Variants in LRRTM4 observed in about 807,000 individuals in gnomAD.
The protein encoded by LRRTM4 is leucine-rich repeat transmembrane neuronal protein 4.
LRRTM4 carries 25 observed loss-of-function variants against 47.6 expected under a neutral mutation model. The observed-to-expected ratio is 0.53, with a 90% CI of 0.38 to 0.73. LRRTM4 has a LOEUF of 0.73. Among genes scored for constraint, LRRTM4 ranks in the 30% least tolerant of loss-of-function variants. LRRTM4 has a pLI of 0.00. For missense variants in LRRTM4, 638 were observed against 713.4 expected (o/e 0.89, Z 1.20); for synonymous variants, 311 against 269.5 (o/e 1.15, Z -1.51).
At chr2:76,754,936 C>T (rs972772258) in intron 3 of LRRTM4, among the ~76,000 whole-genome samples, 12 of 152,226 alleles carry the variant, frequency 7.9e-5, no homozygotes, top group African/African-American at 1.4e-4. Context: ...CAGCAAAGTC[C>T]GCAAAAGACC....
At chr2:77,094,080 C>T (rs1482073153) in intron 3 of LRRTM4, among the ~76,000 whole-genome samples, 3 of 152,038 alleles carry the variant, frequency 2.0e-5, no homozygotes, top group Non-Finnish European at 4.4e-5. Flanking sequence ...CTAACAACTT[C>T]ACAGAAAACT....
chr2:77,107,785 T>A (rs557963837), intron 3 of LRRTM4, among the ~76,000 whole-genome samples: 1 of 125,614 alleles, frequency 8.0e-6, no homozygotes, highest in South Asian at 2.5e-4. Context: ...ACAGTTGCAC[T>A]CCAGTCTGGG....
chr2:77,292,989 TA>T (rs1272690297), intron 3 of LRRTM4, among the ~76,000 whole-genome samples: 6 of 151,676 alleles, frequency 4.0e-5, no homozygotes, highest in African/African-American at 1.5e-4. Flanking sequence ...AGTATAATAA[TA>T]AAAAAATATA....
intron 3 of LRRTM4, among the ~76,000 whole-genome samples, chr2:77,168,046 A>G (rs572140157): frequency 1.4e-4 from 22 of 152,096 alleles, no homozygotes; most frequent in Non-Finnish European, 3.1e-4. Flanking sequence ...AGATAAATTT[A>G]TATTTATTAG....
chr2:77,177,559 C>T (rs2103848857), intron 3 of LRRTM4, among the ~76,000 whole-genome samples: 1 of 152,288 alleles, frequency 6.6e-6, no homozygotes, highest in East Asian at 1.9e-4. Flanking sequence ...CCTATGTCTT[C>T]TACAAAAGCA....
chr2:77,477,514 T>C (rs997094494), intron 3 of LRRTM4, among the ~76,000 whole-genome samples: 1 of 152,100 alleles, frequency 6.6e-6, no homozygotes, highest in Non-Finnish European at 1.5e-5. Context: ...CATTGCTATA[T>C]ACTATTTGAA....
intron 3 of LRRTM4, among the ~76,000 whole-genome samples, chr2:77,332,453 T>C (rs1490941238): frequency 4.6e-5 from 7 of 152,152 alleles, no homozygotes; most frequent in Non-Finnish European, 2.9e-5. Context: ...GAAAAAGTAG[T>C]GCTCTAGAAA....
chr2:76,749,771 T>C (rs1181139733), intron 3 of LRRTM4, among the ~76,000 whole-genome samples: 1 of 152,200 alleles, frequency 6.6e-6, no homozygotes, highest in Non-Finnish European at 1.5e-5. Flanking sequence ...TAAAGATAAA[T>C]ATATTCCAAA....
chr2:77,024,400 C>T (rs937226514), intron 3 of LRRTM4, among the ~76,000 whole-genome samples: 15 of 151,480 alleles, frequency 9.9e-5, no homozygotes, highest in Non-Finnish European at 1.6e-4. Flanking sequence ...TCAATGTTGT[C>T]ACAATTGGCA....
intron 3 of LRRTM4, among the ~76,000 whole-genome samples, chr2:77,482,630 T>C (rs964657752): frequency 3.3e-5 from 5 of 152,192 alleles, no homozygotes; most frequent in African/African-American, 1.2e-4. Context: ...AGATATTAGT[T>C]GACATGAAAA....
In LRRTM4 at chr2:77,260,475, T is replaced by A. The variant is rs567762661; in HGVS notation, c.1551+257843A>T. On this transcript the variant is annotated intron_variant, in intron 3 of 3. Coordinates refer to ENST00000409884, the MANE Select transcript of LRRTM4 (RefSeq NM_001134745.3). Reference sequence around the variant, plus strand: ...GATTTATAATACAGTACTATACAAGTGGATAACAATATTTAGATACCAAAC... The same window carrying A: ...GATTTATAATACAGTACTATACAAGAGGATAACAATATTTAGATACCAAAC... Among the ~76,000 whole-genome samples the A allele has an allele frequency of 2.6e-5, 4 of 151,676 alleles. No homozygotes were observed. In the South Asian group the frequency reaches 8.3e-4, roughly 32 times the overall value.
intron 3 of LRRTM4, among the ~76,000 whole-genome samples, chr2:76,876,129 C>T (rs77682096): frequency 0.053 from 8,126 of 152,040 alleles, 512 homozygotes; most frequent in African/African-American, 0.15. Flanking sequence ...CAGTAAAGAA[C>T]ATAGTATGCC....
At chr2:77,168,150 C>G (rs974095203) in intron 3 of LRRTM4, among the ~76,000 whole-genome samples, 31 of 152,186 alleles carry the variant, frequency 2.0e-4, no homozygotes, top group Admixed American at 9.2e-4. Context: ...TGATCTCTCT[C>G]AACTTGAGCA....
intron 3 of LRRTM4, among the ~76,000 whole-genome samples, chr2:77,474,273 AAAAC>A (rs1677296555): frequency 6.6e-6 from 1 of 152,142 alleles, no homozygotes; most frequent in African/African-American, 2.4e-5. Context: ...CTGATAGAAA[AAAAC>A]AAAAGACATT....
At chr2:77,078,124 G>A (rs1052757208) in intron 3 of LRRTM4, among the ~76,000 whole-genome samples, 6 of 151,982 alleles carry the variant, frequency 3.9e-5, no homozygotes, top group Non-Finnish European at 8.8e-5. Flanking sequence ...TTTACCTTTT[G>A]CTTTAAAGCA....
At chr2:76,976,960 T>C (rs73940220) in intron 3 of LRRTM4, among the ~76,000 whole-genome samples, 1 of 151,708 alleles carries the variant, frequency 6.6e-6, no homozygotes, top group East Asian at 1.9e-4. Flanking sequence ...CCCATAGATA[T>C]GTACATTATG....
intron 3 of LRRTM4, among the ~76,000 whole-genome samples, chr2:77,425,375 A>G (rs990235970): frequency 2.6e-5 from 4 of 152,192 alleles, no homozygotes; most frequent in African/African-American, 9.7e-5. Context: ...TCCACTGGAT[A>G]TTCTCCAACC....
At chr2:77,303,864 A>C (rs78358054) in intron 3 of LRRTM4, among the ~76,000 whole-genome samples, 1,591 of 152,234 alleles carry the variant, frequency 0.01, 27 homozygotes, top group African/African-American at 0.036. Context: ...CTGTTGACAG[A>C]CACTTAGATT....
At chr2:76,866,495 T>G (rs2104030222) in intron 3 of LRRTM4, among the ~76,000 whole-genome samples, 1 of 152,180 alleles carries the variant, frequency 6.6e-6, no homozygotes, top group South Asian at 2.1e-4. Context: ...GATTGGCTCT[T>G]CATTTTTTTT....
Sources: allele counts gnomAD v4.1 joint callset (sites outside exome capture counted in the v4.1 genomes callset), GRCh38; gene constraint gnomAD v4.1.1; transcripts MANE v1.5; gene names NCBI Gene and HGNC (gene_info 2026-07-23, HGNC 2026-07-21).